LRRC7: variants seen among roughly 807,000 people sequenced by gnomAD.
The protein encoded by LRRC7 is leucine-rich repeat-containing protein 7.
LRRC7 carries 23 observed loss-of-function variants against 175.7 expected under a neutral mutation model. The ratio of observed to expected loss-of-function variants is 0.13; its 90% confidence interval spans 0.09 to 0.19. The LOEUF (loss-of-function observed/expected upper bound fraction) is 0.19. Ranked by LOEUF, LRRC7 falls within the 10% of genes least tolerant of loss-of-function variation. The probability of loss-of-function intolerance (pLI) is 1.00; values close to 1 mark genes in which losing one functional copy is unlikely to be tolerated. For missense variants in LRRC7, 1,354 were observed against 1,904.7 expected (o/e 0.71, Z 5.38); for synonymous variants, 685 against 680.9 (o/e 1.01, Z -0.09).
intron 15 of LRRC7, among the ~76,000 whole-genome samples, chr1:70,020,639 A>G (rs1657388792): frequency 6.6e-6 from 1 of 152,082 alleles, no homozygotes; most frequent in Non-Finnish European, 1.5e-5. Flanking sequence ...TAAAGTAAGG[A>G]TGAGATTAGT....
chr1:69,669,028 G>A (rs1281162694), intron 1 of LRRC7, among the ~76,000 whole-genome samples: 6 of 151,882 alleles, frequency 4.0e-5, no homozygotes, highest in African/African-American at 1.5e-4. Context: ...TTATCATACT[G>A]TCTATGTCTT....
intron 1 of LRRC7, among the ~76,000 whole-genome samples, chr1:69,616,253 T>C (rs1649598586): frequency 6.6e-6 from 1 of 152,078 alleles, no homozygotes; most frequent in Non-Finnish European, 1.5e-5. Flanking sequence ...TTTTCATTGG[T>C]AAAGCCTAGG....
intron 18 of LRRC7, among the ~76,000 whole-genome samples, chr1:70,029,514 A>C (rs1372376931): frequency 1.3e-5 from 2 of 152,022 alleles, no homozygotes; most frequent in African/African-American, 4.8e-5. Context: ...ATTAGCATTC[A>C]TTTTCATTGT....
chr1:69,751,814 T>G (rs1199902760), intron 2 of LRRC7, among the ~76,000 whole-genome samples: 1 of 152,152 alleles, frequency 6.6e-6, no homozygotes, highest in Non-Finnish European at 1.5e-5. Context: ...TAAGTAGAAC[T>G]TAAAATATGT....
chr1:70,086,344 T>C (rs1003989475), intron 24 of LRRC7, among the ~76,000 whole-genome samples: 4 of 152,094 alleles, frequency 2.6e-5, no homozygotes, highest in African/African-American at 7.2e-5. Flanking sequence ...AGACCCAGTA[T>C]TGTAATTAGA....
intron 8 of LRRC7, among the ~76,000 whole-genome samples, chr1:69,979,833 G>A (rs929294845): frequency 4.0e-5 from 6 of 151,400 alleles, no homozygotes; most frequent in African/African-American, 1.2e-4. Flanking sequence ...CATAATTGCC[G>A]TTTTTGCCAT....
chr1:69,902,139 T>C (rs948743644), intron 7 of LRRC7, among the ~76,000 whole-genome samples: 1 of 152,180 alleles, frequency 6.6e-6, no homozygotes, highest in South Asian at 2.1e-4. Flanking sequence ...AACTACTCCA[T>C]TAGGTTGTGA....
At chr1:69,871,374 A>G (rs1685514908) in intron 7 of LRRC7, among the ~76,000 whole-genome samples, 1 of 152,032 alleles carries the variant, frequency 6.6e-6, no homozygotes, top group Non-Finnish European at 1.5e-5. Flanking sequence ...TATGGCAGAG[A>G]GATCTGAGAC....
chr1:69,650,587 A>G (rs1010804690), intron 1 of LRRC7, among the ~76,000 whole-genome samples: 1 of 148,488 alleles, frequency 6.7e-6, no homozygotes, highest in Non-Finnish European at 1.5e-5. Context: ...TTACACAAGA[A>G]TACATTGCTT....
chr1:69,989,046 A>G (rs1292169051), intron 10 of LRRC7, among the ~76,000 whole-genome samples: 2 of 152,248 alleles, frequency 1.3e-5, no homozygotes, highest in Non-Finnish European at 2.9e-5. Flanking sequence ...CATCAAATAG[A>G]TAAAAGAATA....
chr1:70,004,858 A>T (rs532618959), intron 11 of LRRC7, among the ~76,000 whole-genome samples: 63 of 152,124 alleles, frequency 4.1e-4, no homozygotes, highest in African/African-American at 1.3e-3. Context: ...TGTTAATACA[A>T]TAATAGTTTT....
rs1182861351 is a variant in LRRC7, at chr1:69,927,423, TC to T, written c.648-4080del. 3.9e-5 allele frequency among the ~76,000 whole-genome samples: 6 copies of T among 152,316 alleles called. No homozygotes were observed. The South Asian group carries it at 1.0e-3, about 26-fold the overall frequency. On this transcript the variant is annotated intron_variant, in intron 7 of 26. Coordinates refer to ENST00000651989, the MANE Select transcript of LRRC7 (RefSeq NM_001370785.2). The stretch of plus-strand genomic sequence containing the variant: ...AGTGTTTTCCAACTTGGTTCCATTC[TC>T]CCCGTCACTTTCAGGTACACCAGTC...
At position 69,760,209 on chromosome 1, in the gene LRRC7, C is replaced by A. The variant is rs545752928; in HGVS notation, c.119C>A (p.Thr40Asn). The change falls in exon 3 of 27, where the codon ACC becomes AAC. Residue 40 changes from threonine to asparagine, a missense_variant. Coordinates refer to ENST00000651989, the MANE Select transcript of LRRC7 (RefSeq NM_001370785.2). ...TCTCTAGTGCAGTGCCTGGAGATGACCACCAAACGGAAAATCATCGGCCGT... is the reference window on the plus strand; with the variant it reads ...TCTCTAGTGCAGTGCCTGGAGATGAACACCAAACGGAAAATCATCGGCCGT... ...PEEELQCLEMTTKRKIIGRLV... is the reference protein window; with the variant it reads ...PEEELQCLEMNTKRKIIGRLV... 2.8e-4 allele frequency: 444 copies of A among 1,612,662 alleles called. 3 individuals are homozygous for A. In the South Asian group the frequency reaches 4.6e-3, roughly 17 times the overall value.
intron 2 of LRRC7, among the ~76,000 whole-genome samples, chr1:69,688,758 T>C (rs1417437): frequency 0.75 from 114,030 of 151,882 alleles, 43,475 homozygotes; most frequent in African/African-American, 0.88. Context: ...GAGAATGCTA[T>C]GTACTCATTG....
At chr1:69,835,888 CTG>C (rs1300900284) in intron 6 of LRRC7, among the ~76,000 whole-genome samples, 2 of 146,204 alleles carry the variant, frequency 1.4e-5, no homozygotes, top group Non-Finnish European at 2.9e-5. Flanking sequence ...GAATATGACT[CTG>C]TAAGAAATAA....
chr1:70,075,032 G>A (rs994682811), intron 23 of LRRC7, among the ~76,000 whole-genome samples: 1 of 152,118 alleles, frequency 6.6e-6, no homozygotes, highest in Non-Finnish European at 1.5e-5. Context: ...TTGAATTCAA[G>A]TCACCTATCC....
chr1:70,052,987 A>C, intron 22 of LRRC7, 39 bp from the exon 23 acceptor site: 1 of 1,550,114 alleles, frequency 6.5e-7, no homozygotes, highest in Non-Finnish European at 8.7e-7. Context: ...GTAAACTTCT[A>C]CTACATCACT....
intron 1 of LRRC7, among the ~76,000 whole-genome samples, chr1:69,666,226 T>A (rs534241372): frequency 3.3e-5 from 5 of 152,286 alleles, no homozygotes; most frequent in African/African-American, 1.2e-4. Context: ...TTTGGTTCGC[T>A]AGTATTTTGT....
chr1:69,986,579 A>G (rs774777399), intron 10 of LRRC7, among the ~76,000 whole-genome samples, 193 bp downstream of exon 10: 13 of 152,232 alleles, frequency 8.5e-5, no homozygotes, highest in Non-Finnish European at 1.6e-4. Flanking sequence ...TTCCAAATTC[A>G]AGAAGGCTCT....
Sources: gnomAD v4.1 joint callset for allele counts (sites outside exome capture counted in the v4.1 genomes callset) on GRCh38, gnomAD v4.1.1 for gene constraint, MANE v1.5 for transcripts, NCBI Gene and HGNC (gene_info 2026-07-23, HGNC 2026-07-21) for gene names.